HLTF: variants seen among roughly 807,000 people sequenced by gnomAD.
HLTF encodes DNA-dependent ATPase/E3 ubiquitin-protein ligase HLTF.
Under a neutral mutation model 129.4 loss-of-function variants are expected in HLTF, and 127 were observed. The observed-to-expected ratio is 0.98, with a 90% confidence interval of 0.85 to 1.14. The LOEUF (loss-of-function observed/expected upper bound fraction) is 1.14, where lower values mean the gene tolerates loss of function less well. Among genes scored for constraint, HLTF ranks in the 50% most tolerant of loss-of-function variants. The probability of loss-of-function intolerance (pLI) is 0.00; values close to 1 mark genes in which losing one functional copy is unlikely to be tolerated. For missense variants in HLTF, 1,139 were observed against 1,187.1 expected, an observed-to-expected ratio of 0.96 and a Z score of 0.60; for synonymous variants, 332 against 388.8, an observed-to-expected ratio of 0.85 and a Z score of 1.72.
chr3:149,042,850 T>C (rs992561654), intron 18 of HLTF, among the ~76,000 whole-genome samples: 2 of 152,058 alleles, frequency 1.3e-5, no homozygotes, highest in Non-Finnish European at 2.9e-5. Context: ...CTTAAGTAAA[T>C]TGGGTTATTT....
In HLTF at chr3:149,060,693, A is replaced by C; in HGVS notation, c.1241-6T>G. ...CTGTACATTTTTCAGTTTGCCTAAA[A>C]ATAAAACAAAAATAAACATAAAAAT... On this transcript the variant is annotated splice_polypyrimidine_tract_variant and splice_region_variant and intron_variant, in intron 11 of 24. Coordinates refer to ENST00000310053, the MANE Select transcript of HLTF (RefSeq NM_003071.4). The C allele has an allele frequency of 1.9e-6, 3 of 1,613,348 alleles. No homozygotes were observed. Among genetic ancestry groups the C allele is most frequent in the Non-Finnish European group, 2.5e-6 (3 of 1,179,494 alleles).
intron 8 of HLTF, among the ~76,000 whole-genome samples, chr3:149,067,154 A>C (rs1006787520): frequency 2.0e-5 from 3 of 151,460 alleles, no homozygotes; most frequent in African/African-American, 4.8e-5. Flanking sequence ...ACCAAATATA[A>C]ATGTATGTTT....
chr3:149,038,018 C>A (rs1486442412), intron 23 of HLTF, among the ~76,000 whole-genome samples: 3 of 152,198 alleles, frequency 2.0e-5, no homozygotes, highest in African/African-American at 7.2e-5. Context: ...TTAAAACGTA[C>A]TCAGAACATT....
chr3:149,032,966 A>AAC, intron 24 of HLTF, among the ~76,000 whole-genome samples: 2 of 140,096 alleles, frequency 1.4e-5, no homozygotes, highest in African/African-American at 5.5e-5. Context: ...TCAAAAAAAA[A>AAC]AAAAAAAAAA....
chr3:149,066,068 C>CA (rs1339800865), intron 8 of HLTF, among the ~76,000 whole-genome samples: 1 of 150,598 alleles, frequency 6.6e-6, no homozygotes, highest in East Asian at 2.0e-4. Flanking sequence ...TTTTCTGAGA[C>CA]AGAGTTTCAC....
At chr3:149,044,217 A>G (rs1403971740) in intron 18 of HLTF, among the ~76,000 whole-genome samples, 1 of 152,196 alleles carries the variant, frequency 6.6e-6, no homozygotes, top group Admixed American at 6.5e-5. Context: ...AGATCAATGT[A>G]TAACACCTAG....
intron 2 of HLTF, among the ~76,000 whole-genome samples, chr3:149,083,069 T>C (rs1720011130): frequency 6.6e-6 from 1 of 152,116 alleles, no homozygotes; most frequent in Admixed American, 6.5e-5. Flanking sequence ...CTGACCAACA[T>C]GGCAAAACCT....
Position 149,065,565 on chromosome 3 carries a change from G to A in HLTF, c.991-699C>T, listed in dbSNP as rs147426957. Among the ~76,000 whole-genome samples the A allele has an allele frequency of 4.8e-3, 732 of 152,238 alleles. 5 individuals carry two copies. The highest frequency in any genetic ancestry group is 0.016 in the African/African-American group (676 of 41,540). ...AAAAAAAACTAAAAATCTGCCGGGC[G>A]CAGTGGCTCATGCCAGCACTTTGGG... On this transcript the variant is annotated intron_variant, in intron 8 of 24. Coordinates refer to ENST00000310053, the MANE Select transcript of HLTF (RefSeq NM_003071.4).
At chr3:149,068,762 T>C (rs1718613934) in intron 7 of HLTF, among the ~76,000 whole-genome samples, 1 of 152,216 alleles carries the variant, frequency 6.6e-6, no homozygotes, top group Non-Finnish European at 1.5e-5. Flanking sequence ...TTAAAAGTCA[T>C]AACTTCTCCA....
intron 16 of HLTF, 69 bp from the exon 17 acceptor site, chr3:149,048,232 A>G (rs1716714568): frequency 1.6e-6 from 2 of 1,267,018 alleles, no homozygotes; most frequent in East Asian, 2.4e-5. Flanking sequence ...ATTTGGCCCA[A>G]TCAGAGAAGA....
chr3:149,041,134 T>C (rs576859762), intron 20 of HLTF, among the ~76,000 whole-genome samples: 2 of 152,296 alleles, frequency 1.3e-5, no homozygotes, highest in South Asian at 4.1e-4. Flanking sequence ...ATACTTTTTA[T>C]ATTTTAGATA....
intron 2 of HLTF, 66 bp downstream of exon 2, chr3:149,084,616 T>C (rs1026951345): frequency 8.7e-7 from 1 of 1,146,620 alleles, no homozygotes; most frequent in South Asian, 1.4e-5. Flanking sequence ...CACCTGCGAA[T>C]TCTCTTATTT....
chr3:149,042,420 G>T, intron 18 of HLTF, 130 bp from the exon 19 acceptor site: 2 of 735,892 alleles, frequency 2.7e-6, no homozygotes, highest in East Asian at 2.8e-5. Flanking sequence ...ATGAAAAGCA[G>T]AAAAGCAACT....
chr3:149,039,240 G>A lies in HLTF; in HGVS notation c.2616-11C>T, dbSNP rs779907442. 4.7e-6 allele frequency: 7 copies of A among 1,497,368 alleles called. No individual in the cohort carries two copies. Among genetic ancestry groups the A allele is most frequent in the Admixed American group, 2.4e-5 (1 of 41,830 alleles). The allele number at this position is 1,497,368 out of a possible 1,614,324, so 92.8% of individuals were successfully genotyped here. ...ACAAATCCAGAGGCTCTAAAGGGGG[G>A]AAGAAAAGAGACAAGTAACAAACAC... On this transcript the variant is annotated splice_polypyrimidine_tract_variant and intron_variant, in intron 22 of 24. Coordinates refer to ENST00000310053, the MANE Select transcript of HLTF (RefSeq NM_003071.4).
chr3:149,033,291 G>A (rs1472614091), intron 24 of HLTF, among the ~76,000 whole-genome samples: 1 of 152,080 alleles, frequency 6.6e-6, no homozygotes. Context: ...CATAAATGGA[G>A]AAAGGATACT....
intron 18 of HLTF, among the ~76,000 whole-genome samples, chr3:149,043,643 G>A (rs1446042707): frequency 1.3e-5 from 2 of 151,750 alleles, no homozygotes; most frequent in African/African-American, 4.8e-5. Flanking sequence ...AAGGAAATGG[G>A]TGATCCAAAA....
At chr3:149,051,733 G>A (rs1717017972) in intron 14 of HLTF, among the ~76,000 whole-genome samples, 1 of 151,692 alleles carries the variant, frequency 6.6e-6, no homozygotes, top group Non-Finnish European at 1.5e-5. Flanking sequence ...TGGTGGTGAT[G>A]GTGATGCGCA....
At chr3:149,043,380 A>G (rs2107971423) in intron 18 of HLTF, among the ~76,000 whole-genome samples, 1 of 151,978 alleles carries the variant, frequency 6.6e-6, no homozygotes. Flanking sequence ...AACACAGATA[A>G]AAGACATCTA....
chr3:149,051,157 G>A (rs1716948710), intron 14 of HLTF, among the ~76,000 whole-genome samples: 1 of 149,640 alleles, frequency 6.7e-6, no homozygotes, highest in Non-Finnish European at 1.5e-5. Context: ...TATGAAATAT[G>A]AATAATAATA....
Sources: gnomAD v4.1 joint callset for allele counts (sites outside exome capture counted in the v4.1 genomes callset) on GRCh38, gnomAD v4.1.1 for gene constraint, MANE v1.5 for transcripts, NCBI Gene and HGNC (gene_info 2026-07-23, HGNC 2026-07-21) for gene names.